PALM2AKAP2: variants seen among roughly 807,000 people sequenced by gnomAD.
PALM2AKAP2 encodes the protein PALM2 and AKAP2 fusion, also known as PALM2-AKAP2 fusion protein.
PALM2AKAP2 carries 37 observed loss-of-function variants against 71.5 expected under a neutral mutation model. That is an observed-to-expected ratio of 0.52 (90% CI 0.40 to 0.68). The LOEUF is 0.68. PALM2AKAP2 is among the 30% of genes least tolerant of loss of function. The probability of loss-of-function intolerance (pLI) is 0.00; values close to 1 mark genes in which losing one functional copy is unlikely to be tolerated. For missense variants in PALM2AKAP2, 1,224 were observed against 1,191.8 expected, an observed-to-expected ratio of 1.03 and a Z score of -0.40; for synonymous variants, 468 against 478.8, an observed-to-expected ratio of 0.98 and a Z score of 0.29.
intron 1 of PALM2AKAP2, among the ~76,000 whole-genome samples, chr9:110,050,563 G>A (rs1251329396): frequency 6.6e-6 from 1 of 152,092 alleles, no homozygotes; most frequent in Non-Finnish European, 1.5e-5. Context: ...GCAATGCTCC[G>A]CTGCCGGTTG....
chr9:110,003,092 C>T (rs1832711579), intron 6 of PALM2AKAP2, among the ~76,000 whole-genome samples: 1 of 152,138 alleles, frequency 6.6e-6, no homozygotes, highest in Non-Finnish European at 1.5e-5. Context: ...CGTGTTTGCT[C>T]TTACTTCTCT....
intron 1 of PALM2AKAP2, among the ~76,000 whole-genome samples, chr9:109,736,847 C>T (rs1327746417): frequency 2.0e-5 from 3 of 152,140 alleles, no homozygotes; most frequent in Non-Finnish European, 4.4e-5. Context: ...TGGAGAAAAG[C>T]ATCTCTTCCC....
At chr9:109,900,365 G>A (rs1327542275) in intron 3 of PALM2AKAP2, among the ~76,000 whole-genome samples, 1 of 152,164 alleles carries the variant, frequency 6.6e-6, no homozygotes, top group Non-Finnish European at 1.5e-5. Flanking sequence ...CATCGCAATG[G>A]CAAAGCATTG....
intron 3 of PALM2AKAP2, among the ~76,000 whole-genome samples, chr9:109,882,754 G>A (rs1587983048): frequency 6.6e-6 from 1 of 151,758 alleles, no homozygotes; most frequent in Non-Finnish European, 1.5e-5. Flanking sequence ...GCTATCCTCC[G>A]ACCTCAGCCT....
At chr9:109,679,581 T>G (rs193125962) in intron 1 of PALM2AKAP2, among the ~76,000 whole-genome samples, 1 of 152,170 alleles carries the variant, frequency 6.6e-6, no homozygotes, top group East Asian at 1.9e-4. Flanking sequence ...TGATCTAGAC[T>G]AATAATATTG....
chr9:109,711,824 T>C (rs1432270067), intron 1 of PALM2AKAP2, among the ~76,000 whole-genome samples: 2 of 152,164 alleles, frequency 1.3e-5, no homozygotes, highest in Non-Finnish European at 2.9e-5. Context: ...CTTAGTGAGA[T>C]GGTGTTAGGC....
intron 1 of PALM2AKAP2, among the ~76,000 whole-genome samples, chr9:109,717,955 A>G (rs1393261259): frequency 2.6e-5 from 4 of 152,084 alleles, no homozygotes; most frequent in Non-Finnish European, 5.9e-5. Flanking sequence ...GAGAGAGAGA[A>G]AGGGAGGCCA....
intron 1 of PALM2AKAP2, among the ~76,000 whole-genome samples, chr9:109,702,149 T>G (rs1828070611): frequency 6.6e-6 from 1 of 152,118 alleles, no homozygotes; most frequent in African/African-American, 2.4e-5. Context: ...GGTGGGACTG[T>G]AAACTAGTTC....
intron 2 of PALM2AKAP2, among the ~76,000 whole-genome samples, chr9:110,139,628 T>C (rs1835979546): frequency 6.6e-6 from 1 of 151,892 alleles, no homozygotes; most frequent in African/African-American, 2.4e-5. Flanking sequence ...GGTCCATCCA[T>C]ATCTTAATCT....
chr9:109,646,454 C>G (rs1177996877), intron 1 of PALM2AKAP2, among the ~76,000 whole-genome samples: 3 of 152,148 alleles, frequency 2.0e-5, no homozygotes, highest in African/African-American at 7.2e-5. Context: ...AGCCTTGGAC[C>G]AGAAGTGGCA....
At chr9:110,128,326 A>T (rs563391631) in intron 1 of PALM2AKAP2, among the ~76,000 whole-genome samples, 1 of 152,334 alleles carries the variant, frequency 6.6e-6, no homozygotes, top group African/African-American at 2.4e-5. Context: ...CCAGTTCTTC[A>T]TCATGATTGT....
At chr9:109,896,686 C>T (rs546414260) in intron 3 of PALM2AKAP2, among the ~76,000 whole-genome samples, 1 of 152,218 alleles carries the variant, frequency 6.6e-6, no homozygotes, top group South Asian at 2.1e-4. Context: ...TGGTACATGC[C>T]TGTCGTCCCA....
rs980029534 is a variant in PALM2AKAP2 at position 109,744,977 on chromosome 9, C to G, written c.6-35511C>G. Among the ~76,000 whole-genome samples, 8 of 152,198 alleles carry G rather than the reference C, an allele frequency of 5.3e-5. No individual in the cohort carries two copies. The East Asian group carries it at 1.3e-3, about 26-fold the overall frequency. On this transcript the variant is annotated intron_variant, in intron 1 of 6. Transcript: ENST00000374531. Reference sequence around the variant, plus strand: ...CTCTAAGTCCATGCATGCCCTCAGTCCCAATAATTTTTGGCTTCCAGAGCT... The same window carrying G: ...CTCTAAGTCCATGCATGCCCTCAGTGCCAATAATTTTTGGCTTCCAGAGCT...
In PALM2AKAP2 at chr9:109,998,315, T is replaced by G. The variant is rs529530935; in HGVS notation, c.497-17639T>G. Among the ~76,000 whole-genome samples, 4 of 152,208 alleles carry G rather than the reference T, an allele frequency of 2.6e-5. No individual in the cohort carries two copies. The South Asian group carries it at 8.3e-4, about 32-fold the overall frequency. Reference sequence around the variant, plus strand: ...ATTTTCCAACTCAGAGCCTTGTATCTCTCCTTGAAACCCAAAAGGCCGGGC... The same window carrying G: ...ATTTTCCAACTCAGAGCCTTGTATCGCTCCTTGAAACCCAAAAGGCCGGGC... On this transcript the variant is annotated intron_variant, in intron 6 of 9. Transcript: ENST00000302798.
At chr9:110,005,134 GT>G (rs1175334196) in intron 6 of PALM2AKAP2, among the ~76,000 whole-genome samples, 2 of 152,176 alleles carry the variant, frequency 1.3e-5, no homozygotes, top group African/African-American at 4.8e-5. Flanking sequence ...CTTCTGCTCT[GT>G]TTTTTCCCCA....
At chr9:109,978,184 G>A (rs894007145) in intron 6 of PALM2AKAP2, among the ~76,000 whole-genome samples, 2 of 152,142 alleles carry the variant, frequency 1.3e-5, no homozygotes, top group African/African-American at 4.8e-5. Flanking sequence ...GAGATGGAGA[G>A]AGGGGAGAAG....
At chr9:109,741,226 T>A (rs1828711969) in intron 1 of PALM2AKAP2, among the ~76,000 whole-genome samples, 1 of 152,204 alleles carries the variant, frequency 6.6e-6, no homozygotes, top group Non-Finnish European at 1.5e-5. Context: ...TTATGCATGC[T>A]TTTGAGTCTG....
chr9:110,062,708 T>C (rs1317162900), intron 1 of PALM2AKAP2, among the ~76,000 whole-genome samples: 1 of 152,194 alleles, frequency 6.6e-6, no homozygotes, highest in Admixed American at 6.5e-5. Flanking sequence ...AAGGCTGCCA[T>C]AGCAAAGTAC....
exon 3 of PALM2AKAP2, chr9:110,156,435 A>G (rs748273225): frequency 6.2e-6 from 10 of 1,612,818 alleles, no homozygotes; most frequent in African/African-American, 1.3e-5. Context: ...TCTGATGCAG[A>G]CCCTCATGGA....
Sources: allele counts gnomAD v4.1 joint callset (sites outside exome capture counted in the v4.1 genomes callset), GRCh38; gene constraint gnomAD v4.1.1; transcripts MANE v1.5; gene names NCBI Gene and HGNC (gene_info 2026-07-23, HGNC 2026-07-21).